CPLANE1: variants seen among roughly 807,000 people sequenced by gnomAD.
The protein encoded by CPLANE1 is ciliogenesis and planar polarity effector complex subunit 1.
A neutral mutation model predicts 362.5 loss-of-function variants in CPLANE1; 263 were observed. The ratio of observed to expected loss-of-function variants is 0.73; its 90% confidence interval spans 0.66 to 0.80. The LOEUF (loss-of-function observed/expected upper bound fraction) is 0.80, where lower values mean the gene tolerates loss of function less well. Among genes scored for constraint, CPLANE1 ranks in the 30% least tolerant of loss-of-function variants. The pLI is 0.00. For synonymous variants in CPLANE1, 1,212 were observed against 1,302.6 expected, an observed-to-expected ratio of 0.93 and a Z score of 1.50; for missense variants, 3,461 against 3,793.4, an observed-to-expected ratio of 0.91 and a Z score of 2.30.
At chr5:37,168,501 T>C (rs957165874) in intron 34 of CPLANE1, among the ~76,000 whole-genome samples, 2 of 148,226 alleles carry the variant, frequency 1.3e-5, no homozygotes, top group Non-Finnish European at 3.0e-5. Flanking sequence ...ACCTTTAAAA[T>C]ACACAATTTT....
At chr5:37,245,083 C>T (rs1238068475) in intron 4 of CPLANE1, among the ~76,000 whole-genome samples, 1 of 150,564 alleles carries the variant, frequency 6.6e-6, no homozygotes, top group South Asian at 2.1e-4. Flanking sequence ...ACCCCGGAGG[C>T]GAGTGAGCTG....
intron 25 of CPLANE1, 111 bp downstream of exon 25, chr5:37,184,677 T>C: frequency 1.2e-6 from 1 of 820,824 alleles, no homozygotes; most frequent in Non-Finnish European, 1.9e-6. Flanking sequence ...ATTCATATTA[T>C]TAATAGCACA....
chr5:37,174,726 T>C (rs1003709293), intron 31 of CPLANE1, among the ~76,000 whole-genome samples: 2 of 152,324 alleles, frequency 1.3e-5, no homozygotes, highest in Non-Finnish European at 2.9e-5. Context: ...TTAAATTTCA[T>C]ATAGACTTAT....
intron 18 of CPLANE1, among the ~76,000 whole-genome samples, chr5:37,202,279 A>T (rs1314233705): frequency 1.3e-5 from 2 of 151,792 alleles, no homozygotes. Flanking sequence ...TTCCCACCTA[A>T]GCCTCCTGAG....
intron 14 of CPLANE1, among the ~76,000 whole-genome samples, chr5:37,223,208 A>G (rs369058239): frequency 7.8e-4 from 119 of 152,270 alleles, no homozygotes; most frequent in African/African-American, 2.8e-3. Context: ...GTTTTGGAAC[A>G]CTATATACTC....
intron 8 of CPLANE1, among the ~76,000 whole-genome samples, chr5:37,236,376 G>T (rs897427233): frequency 1.3e-5 from 2 of 152,090 alleles, no homozygotes; most frequent in East Asian, 3.9e-4. Context: ...GGATAGATGT[G>T]CAGAAGAATG....
chr5:37,119,611 G>T (rs543397468), intron 50 of CPLANE1, among the ~76,000 whole-genome samples: 2 of 148,622 alleles, frequency 1.3e-5, no homozygotes, highest in African/African-American at 5.0e-5. Flanking sequence ...CAGAGGTTGC[G>T]GTGAGCCAAG....
At chr5:37,190,621 G>A (rs1290021009) in intron 21 of CPLANE1, among the ~76,000 whole-genome samples, 1 of 152,074 alleles carries the variant, frequency 6.6e-6, no homozygotes, top group Non-Finnish European at 1.5e-5. Context: ...AAAAACTATA[G>A]AAAAGACATA....
downstream of CPLANE1, among the ~76,000 whole-genome samples, chr5:37,104,676 C>G (rs1468074048): frequency 6.7e-6 from 1 of 149,902 alleles, no homozygotes; most frequent in Non-Finnish European, 1.5e-5. Context: ...GAGGCCCAGG[C>G]AGGCAGATCA....
the CPLANE1 span, among the ~76,000 whole-genome samples, chr5:37,096,363 T>C: frequency 6.6e-6 from 1 of 151,978 alleles, no homozygotes; most frequent in African/African-American, 2.4e-5. Context: ...TGTAGGAAAA[T>C]GAAAACTGGA....
intron 41 of CPLANE1, among the ~76,000 whole-genome samples, chr5:37,155,818 A>G (rs1196069989): frequency 6.6e-6 from 1 of 152,240 alleles, no homozygotes; most frequent in Non-Finnish European, 1.5e-5. Context: ...AGAGAAAAGT[A>G]AAACGTATCT....
chr5:37,144,907 A>T (rs1771063215), intron 43 of CPLANE1, among the ~76,000 whole-genome samples: 2 of 152,172 alleles, frequency 1.3e-5, no homozygotes, highest in Non-Finnish European at 2.9e-5. Flanking sequence ...GGCAAAGAAA[A>T]TGCCAAACGT....
intron 51 of CPLANE1, among the ~76,000 whole-genome samples, chr5:37,110,713 G>A (rs889184399): frequency 2.6e-5 from 4 of 151,810 alleles, no homozygotes; most frequent in Non-Finnish European, 4.4e-5. Flanking sequence ...TCCCCATTTT[G>A]CAAATGAGGA....
chr5:37,198,575 T>C, intron 20 of CPLANE1, 127 bp downstream of exon 20: 1 of 908,536 alleles, frequency 1.1e-6, no homozygotes. Flanking sequence ...TGTTTATGAA[T>C]AAATCTGAAA....
rs1383497111 is a variant in CPLANE1, at chr5:37,179,458, A to C, written c.5738-15T>G. 2 of 1,574,330 alleles carry C rather than the reference A, an allele frequency of 1.3e-6. No homozygotes were observed. ...TTCAATGTCTTCTAGCGATAAGTGAAGATGAAGAGAAAACTGATCATTTAA... is the reference window on the plus strand; with the variant it reads ...TTCAATGTCTTCTAGCGATAAGTGACGATGAAGAGAAAACTGATCATTTAA... On this transcript the variant is annotated splice_polypyrimidine_tract_variant and intron_variant, in intron 28 of 52. Coordinates refer to ENST00000651892, the MANE Select transcript of CPLANE1 (RefSeq NM_001384732.1).
chr5:37,195,999 AAAAGT>A lies in CPLANE1; in HGVS notation c.3673-8_3673-4del, dbSNP rs1163206555. 1.9e-6 allele frequency: 3 copies of A among 1,593,182 alleles called. No homozygotes were observed. The highest frequency in any genetic ancestry group is 2.6e-6 in the Non-Finnish European group (3 of 1,173,378). ...GGAAGGGATCCTTTCATTCGAATCT[AAAAGT>A]AAAGAATAACCGAACATGTTAATTA... On this transcript the variant is annotated splice_region_variant and splice_polypyrimidine_tract_variant and intron_variant, in intron 20 of 52. Coordinates refer to ENST00000651892, the MANE Select transcript of CPLANE1 (RefSeq NM_001384732.1).
At chr5:37,124,910 C>G in intron 47 of CPLANE1, 1 of 1,052,874 alleles carries the variant, frequency 9.5e-7, no homozygotes, top group South Asian at 3.9e-5. Context: ...AGTTGGTTGT[C>G]GCAACTGCCA....
chr5:37,121,154 A>G (rs577976019), intron 49 of CPLANE1, among the ~76,000 whole-genome samples: 105 of 152,294 alleles, frequency 6.9e-4, no homozygotes, highest in African/African-American at 2.4e-3. Context: ...CAGGTGATTA[A>G]AGTAAAATAC....
chr5:37,078,824 T>C, the CPLANE1 span, among the ~76,000 whole-genome samples: 1 of 152,174 alleles, frequency 6.6e-6, no homozygotes, highest in Non-Finnish European at 1.5e-5. Context: ...GTTGAGCTTC[T>C]TTTCATAGGT....
Sources: allele counts gnomAD v4.1 joint callset (sites outside exome capture counted in the v4.1 genomes callset), GRCh38; gene constraint gnomAD v4.1.1; transcripts MANE v1.5; gene names NCBI Gene and HGNC (gene_info 2026-07-23, HGNC 2026-07-21).